Variants in GRM3 observed in about 807,000 individuals in gnomAD.
GRM3 encodes the protein glutamate metabotropic receptor 3.
A neutral mutation model predicts 70.5 loss-of-function variants in GRM3; 26 were observed. The observed-to-expected ratio is 0.37, with a 90% CI of 0.27 to 0.51. GRM3 has a LOEUF of 0.51. GRM3 is among the 20% of genes least tolerant of loss of function. GRM3 has a pLI of 0.93. For synonymous variants in GRM3, 443 were observed against 434.9 expected (o/e 1.02, Z -0.23); for missense variants, 859 against 1,123.8 (o/e 0.76, Z 3.37).
chr7:86,818,285 G>A (rs1798055551), intron 3 of GRM3, among the ~76,000 whole-genome samples: 1 of 152,060 alleles, frequency 6.6e-6, no homozygotes, highest in African/African-American at 2.4e-5. Context: ...AAATCAACAT[G>A]TGATAATGAC....
At chr7:86,848,046 T>C (rs996680401) in intron 4 of GRM3, among the ~76,000 whole-genome samples, 2 of 152,192 alleles carry the variant, frequency 1.3e-5, no homozygotes. Context: ...CACCAAATGT[T>C]CACTACATGT....
intron 5 of GRM3, among the ~76,000 whole-genome samples, chr7:86,851,104 T>A (rs1293775479): frequency 6.6e-6 from 1 of 152,134 alleles, no homozygotes; most frequent in African/African-American, 2.4e-5. Flanking sequence ...GTTTTGAGAA[T>A]CTCTATGCAA....
chr7:86,722,411 A>T (rs1015312125), intron 1 of GRM3, among the ~76,000 whole-genome samples: 4 of 152,162 alleles, frequency 2.6e-5, no homozygotes, highest in African/African-American at 4.8e-5. Context: ...ACCATGGAAT[A>T]CTATGCAGCC....
At chr7:86,666,360 A>G (rs191414551) in intron 1 of GRM3, among the ~76,000 whole-genome samples, 50 of 152,212 alleles carry the variant, frequency 3.3e-4, no homozygotes, top group African/African-American at 1.1e-3. Flanking sequence ...ACTTGACTTC[A>G]TCTACAAACC....
chr7:86,652,725 C>A (rs1275200094), intron 1 of GRM3, among the ~76,000 whole-genome samples: 1 of 152,148 alleles, frequency 6.6e-6, no homozygotes, highest in African/African-American at 2.4e-5. Context: ...GAATAGTTAA[C>A]CTCTCCCTTT....
intron 1 of GRM3, among the ~76,000 whole-genome samples, chr7:86,711,736 A>G (rs1795205165): frequency 6.6e-6 from 1 of 152,106 alleles, no homozygotes; most frequent in East Asian, 1.9e-4. Flanking sequence ...GCACACTCTA[A>G]AGCTCTTTTT....
intron 2 of GRM3, chr7:86,784,294 G>C (rs1797164943): frequency 6.6e-6 from 1 of 151,808 alleles, no homozygotes; most frequent in South Asian, 2.1e-4. Context: ...TTGTTTCACT[G>C]TGATTCTTCG....
chr7:86,697,700 T>TA (rs200607894), intron 1 of GRM3, among the ~76,000 whole-genome samples: 2,043 of 151,346 alleles, frequency 0.013, 38 homozygotes, highest in African/African-American at 0.047. Context: ...ATGATTTCCC[T>TA]AAAAAAAAAT....
chr7:86,758,203 A>G (rs1252876684), intron 1 of GRM3, among the ~76,000 whole-genome samples: 1 of 152,158 alleles, frequency 6.6e-6, no homozygotes, highest in Non-Finnish European at 1.5e-5. Context: ...GACTGTATAC[A>G]TCTAGGAAAT....
At chr7:86,739,565 C>G (rs989273596) in intron 1 of GRM3, among the ~76,000 whole-genome samples, 1 of 152,182 alleles carries the variant, frequency 6.6e-6, no homozygotes, top group African/African-American at 2.4e-5. Context: ...CAGAATTGTT[C>G]CAGACCAGCA....
At chr7:86,754,703 A>G (rs990317195) in intron 1 of GRM3, among the ~76,000 whole-genome samples, 3 of 152,150 alleles carry the variant, frequency 2.0e-5, no homozygotes, top group Admixed American at 6.5e-5. Context: ...AAAGACAGAG[A>G]GAGGCTATTT....
chr7:86,702,967 C>T (rs577897338), intron 1 of GRM3, among the ~76,000 whole-genome samples: 1 of 151,936 alleles, frequency 6.6e-6, no homozygotes, highest in Non-Finnish European at 1.5e-5. Flanking sequence ...TGATTTCCCA[C>T]AAGCTGTATA....
At chr7:86,711,698 C>T (rs192150428) in intron 1 of GRM3, among the ~76,000 whole-genome samples, 1 of 152,086 alleles carries the variant, frequency 6.6e-6, no homozygotes, top group Non-Finnish European at 1.5e-5. Context: ...ATTAATTACA[C>T]ATAATTAATT....
intron 1 of GRM3, among the ~76,000 whole-genome samples, chr7:86,665,541 A>T (rs1383493187): frequency 6.6e-6 from 1 of 151,596 alleles, no homozygotes. Flanking sequence ...CACTAATTCA[A>T]CTCTTTCATA....
rs951994424 is a variant in GRM3, at chr7:86,644,468, G to A, written c.-545G>A. 2.6e-5 allele frequency: 9 copies of A among 348,488 alleles called. No homozygotes were observed. The highest frequency in any genetic ancestry group is 1.7e-4 in the African/African-American group (8 of 46,212). 21.6% of individuals were successfully genotyped at this position (348,488 alleles called of 1,614,324 possible). On this transcript the variant is annotated 5_prime_UTR_variant, in exon 1 of 6. Transcript: ENST00000361669. ...CCTAGGAAGTGGGTTTGCCTGATAAGAGAAGGAGGAGGGGACTCGGCTGGG... is the reference window on the plus strand; with the variant it reads ...CCTAGGAAGTGGGTTTGCCTGATAAAAGAAGGAGGAGGGGACTCGGCTGGG...
chr7:86,689,570 T>C (rs761962576), intron 1 of GRM3, among the ~76,000 whole-genome samples: 6 of 152,138 alleles, frequency 3.9e-5, no homozygotes, highest in Non-Finnish European at 8.8e-5. Context: ...TGAAGCAGCA[T>C]AATGTTAATA....
At chr7:86,825,279 C>A (rs1798209320) in intron 3 of GRM3, among the ~76,000 whole-genome samples, 1 of 152,190 alleles carries the variant, frequency 6.6e-6, no homozygotes, top group Non-Finnish European at 1.5e-5. Flanking sequence ...TTTTTTAAAT[C>A]ATAACTTCTT....
intron 1 of GRM3, among the ~76,000 whole-genome samples, chr7:86,695,735 G>A (rs978456033): frequency 1.3e-5 from 2 of 152,140 alleles, no homozygotes; most frequent in African/African-American, 4.8e-5. Flanking sequence ...AGGAGATAAA[G>A]TGTTAGATAA....
chr7:86,795,543 T>A (rs1263163843), intron 3 of GRM3, among the ~76,000 whole-genome samples: 1 of 152,110 alleles, frequency 6.6e-6, no homozygotes, highest in Non-Finnish European at 1.5e-5. Flanking sequence ...TGGTTTCCTG[T>A]TCCTGTGTTA....
Sources: allele counts gnomAD v4.1 joint callset (sites outside exome capture counted in the v4.1 genomes callset), GRCh38; gene constraint gnomAD v4.1.1; transcripts MANE v1.5; gene names NCBI Gene and HGNC (gene_info 2026-07-23, HGNC 2026-07-21).